DPYD: variants seen among roughly 807,000 people sequenced by gnomAD.
DPYD encodes dihydropyrimidine dehydrogenase.
A neutral mutation model predicts 116.2 loss-of-function variants in DPYD; 109 were observed. The ratio of observed to expected loss-of-function variants is 0.94; its 90% CI spans 0.80 to 1.10. The LOEUF (loss-of-function observed/expected upper bound fraction) is 1.10, where lower values mean the gene tolerates loss of function less well. Among genes scored for constraint, DPYD ranks in the 50% least tolerant of loss-of-function variants. DPYD has a pLI of 0.00. For synonymous variants in DPYD, 440 were observed against 432.0 expected, an observed-to-expected ratio of 1.02 and a Z score of -0.23; for missense variants, 1,302 against 1,254.5, an observed-to-expected ratio of 1.04 and a Z score of -0.57.
At chr1:97,527,141 T>G (rs1278152090) in intron 12 of DPYD, among the ~76,000 whole-genome samples, 1 of 151,606 alleles carries the variant, frequency 6.6e-6, no homozygotes. Flanking sequence ...TGCAGTGGCG[T>G]GATCTCGGCT....
intron 20 of DPYD, among the ~76,000 whole-genome samples, chr1:97,162,329 A>G (rs1655974210): frequency 6.6e-6 from 1 of 152,132 alleles, no homozygotes; most frequent in African/African-American, 2.4e-5. Context: ...ATTCTTATAC[A>G]CCAATAACAG....
chr1:97,666,583 A>G (rs1291233771), intron 8 of DPYD, among the ~76,000 whole-genome samples: 2 of 152,184 alleles, frequency 1.3e-5, no homozygotes, highest in African/African-American at 2.4e-5. Flanking sequence ...AGAAATAAAA[A>G]CAGCAGCTTG....
At chr1:97,323,455 T>TGTG (rs1558030234) in intron 16 of DPYD, among the ~76,000 whole-genome samples, 5 of 101,392 alleles carry the variant, frequency 4.9e-5, no homozygotes, top group African/African-American at 1.4e-4. Context: ...TATATACATA[T>TGTG]CATATATACA....
At chr1:97,693,891 T>C (rs1437339285) in intron 6 of DPYD, among the ~76,000 whole-genome samples, 2 of 152,146 alleles carry the variant, frequency 1.3e-5, no homozygotes, top group African/African-American at 2.4e-5. Flanking sequence ...TCAATGGTTC[T>C]GACTTAAGAA....
At chr1:97,413,295 C>A (rs1674109608) in intron 14 of DPYD, among the ~76,000 whole-genome samples, 1 of 152,126 alleles carries the variant, frequency 6.6e-6, no homozygotes, top group Admixed American at 6.6e-5. Flanking sequence ...ATGTAGTCAA[C>A]CTCATGTGTC....
At chr1:97,230,065 T>A (rs1024622761) in intron 19 of DPYD, among the ~76,000 whole-genome samples, 20 of 152,176 alleles carry the variant, frequency 1.3e-4, no homozygotes, top group Non-Finnish European at 1.2e-4. Flanking sequence ...GGGTAACCAA[T>A]AGCTTATGAT....
chr1:97,891,271 T>C (rs971936439), intron 1 of DPYD, among the ~76,000 whole-genome samples: 7 of 151,902 alleles, frequency 4.6e-5, no homozygotes, highest in African/African-American at 1.2e-4. Flanking sequence ...TCTGGATGAA[T>C]TGAGCACTTT....
At chr1:97,189,108 T>C (rs932676686) in intron 20 of DPYD, among the ~76,000 whole-genome samples, 3 of 152,190 alleles carry the variant, frequency 2.0e-5, no homozygotes, top group Non-Finnish European at 4.4e-5. Context: ...TCAACATTTA[T>C]TAAGGCATTA....
chr1:97,373,741 T>A (rs1227558993), intron 15 of DPYD, 97 bp from the exon 16 acceptor site: 5 of 1,072,090 alleles, frequency 4.7e-6, no homozygotes, highest in Non-Finnish European at 7.1e-6. Flanking sequence ...TTGTCAAGTG[T>A]TAACTATTCT....
chr1:97,605,584 T>A (rs1655537214), intron 8 of DPYD, among the ~76,000 whole-genome samples: 1 of 152,060 alleles, frequency 6.6e-6, no homozygotes, highest in Non-Finnish European at 1.5e-5. Flanking sequence ...TTATAAATTA[T>A]CCAGTCTTGG....
chr1:97,719,981 T>C (rs1270963340), intron 5 of DPYD: 21 of 984,928 alleles, frequency 2.1e-5, no homozygotes, highest in Non-Finnish European at 2.5e-5. Context: ...AAGTTTCTAA[T>C]AAATTCTGTT....
chr1:97,283,979 A>G (rs911191482), intron 18 of DPYD, among the ~76,000 whole-genome samples: 1 of 152,156 alleles, frequency 6.6e-6, no homozygotes, highest in African/African-American at 2.4e-5. Flanking sequence ...AGCCTGGTAC[A>G]CAAAATCTCC....
chr1:97,728,532 A>T (rs904477694), intron 4 of DPYD, among the ~76,000 whole-genome samples: 3 of 152,072 alleles, frequency 2.0e-5, no homozygotes, highest in African/African-American at 7.2e-5. Flanking sequence ...TCAAGTCTTC[A>T]TATCACTACA....
At chr1:97,771,116 G>T (rs977957469) in intron 3 of DPYD, among the ~76,000 whole-genome samples, 2 of 151,874 alleles carry the variant, frequency 1.3e-5, no homozygotes, top group Admixed American at 6.6e-5. Flanking sequence ...TCAGGAGTTC[G>T]AGGTCAGCCT....
At chr1:97,721,000 C>T (rs2101025135) in intron 5 of DPYD, 8 of 1,556,066 alleles carry the variant, frequency 5.1e-6, no homozygotes, top group South Asian at 1.2e-5. Flanking sequence ...AAAAGACCTG[C>T]TTCCAATCTA....
intron 16 of DPYD, among the ~76,000 whole-genome samples, chr1:97,344,419 T>A (rs1669734367): frequency 6.6e-6 from 1 of 152,024 alleles, no homozygotes; most frequent in South Asian, 2.1e-4. Context: ...TACAAAGAAA[T>A]GAAAGTTCTC....
In DPYD at chr1:97,821,471, A is replaced by G. The variant is rs192440803; in HGVS notation, c.233+6643T>C. ...TCAAATCCCTTTGGCATGATTACAG[A>G]GTTGAATCAACCAAGATAAAGAAAG... On this transcript the variant is annotated intron_variant, in intron 3 of 22. Coordinates refer to ENST00000370192, the MANE Select transcript of DPYD (RefSeq NM_000110.4). Among the ~76,000 whole-genome samples the G allele has an allele frequency of 3.4e-4, 52 of 152,318 alleles. No individual in the cohort carries two copies. In the East Asian group the frequency reaches 9.8e-3, roughly 29 times the overall value.
chr1:97,736,088 A>C (rs1014626618), intron 4 of DPYD, among the ~76,000 whole-genome samples: 1 of 152,104 alleles, frequency 6.6e-6, no homozygotes, highest in African/African-American at 2.4e-5. Flanking sequence ...TTGCAAAGAA[A>C]AATAAGTAGG....
In DPYD at chr1:97,593,514, A is replaced by G. The variant is rs1654670403; in HGVS notation, c.959-127T>C. On this transcript the variant is annotated intron_variant, in intron 9 of 22. Coordinates refer to ENST00000370192, the MANE Select transcript of DPYD (RefSeq NM_000110.4). The stretch of plus-strand genomic sequence containing the variant: ...CAGTTTTCCAGGATGAAGTGTCACT[A>G]TCAAATTATTCTGCTTCATTGAAAG... The G allele has an allele frequency of 2.8e-6, 3 of 1,052,702 alleles. No homozygotes were observed. In the South Asian group the frequency reaches 4.0e-5, roughly 14 times the overall value. The allele number at this position is 1,052,702 out of a possible 1,614,324, so 65.2% of individuals were successfully genotyped here. A position where few individuals can be genotyped will look rare whatever the true frequency, so the allele number is the denominator to read the frequency against.
Sources: allele counts gnomAD v4.1 joint callset (sites outside exome capture counted in the v4.1 genomes callset), GRCh38; gene constraint gnomAD v4.1.1; transcripts MANE v1.5; gene names NCBI Gene and HGNC (gene_info 2026-07-23, HGNC 2026-07-21).